Variants in DDX46 observed in about 807,000 individuals in gnomAD.
DDX46 encodes the protein probable ATP-dependent RNA helicase DDX46.
A neutral mutation model predicts 134.9 loss-of-function variants in DDX46; 30 were observed. The observed-to-expected ratio is 0.22, with a 90% confidence interval of 0.17 to 0.30. The LOEUF is 0.30. Among genes scored for constraint, DDX46 ranks in the 10% least tolerant of loss-of-function variants. The pLI, the probability that DDX46 is intolerant of heterozygous loss-of-function variation, is 1.00. For synonymous variants in DDX46, 415 were observed against 404.1 expected (o/e 1.03, Z -0.32); for missense variants, 622 against 1,248.7 (o/e 0.50, Z 7.56).
At position 134,780,950 on chromosome 5, in the gene DDX46, G is replaced by A. The variant is rs545589618; in HGVS notation, c.766-183G>A. The A allele has an allele frequency of 1.4e-4, 57 of 418,780 alleles. 1 individual carries two copies. In the Middle Eastern group the frequency reaches 1.9e-3, roughly 14 times the overall value. 25.9% of individuals were successfully genotyped at this position (418,780 alleles called of 1,614,324 possible). A position where few individuals can be genotyped will look rare whatever the true frequency, so the allele number is the denominator to read the frequency against. On this transcript the variant is annotated intron_variant, in intron 6 of 22. Coordinates refer to ENST00000452510, the MANE Select transcript of DDX46 (RefSeq NM_001300860.2). The stretch of plus-strand genomic sequence containing the variant: ...GAGGACTGATGGGACGAATCCTTGA[G>A]CCCAGAAATTTGAGGTTACAGTGAG...
At chr5:134,795,216 T>TTA (rs1754619056) in intron 14 of DDX46, among the ~76,000 whole-genome samples, 1 of 109,324 alleles carries the variant, frequency 9.1e-6, no homozygotes, top group East Asian at 4.7e-4. Context: ...TTTTTTTTTT[T>TTA]TTTGTTTTTT....
At chr5:134,786,618 G>A (rs550314548) in intron 11 of DDX46, among the ~76,000 whole-genome samples, 5 of 152,144 alleles carry the variant, frequency 3.3e-5, no homozygotes, top group Non-Finnish European at 5.9e-5. Context: ...GCCGAAGCGG[G>A]TGGATCATGA....
intron 3 of DDX46, among the ~76,000 whole-genome samples, chr5:134,767,816 G>A (rs1474824644): frequency 2.0e-5 from 3 of 151,750 alleles, no homozygotes; most frequent in African/African-American, 7.2e-5. Flanking sequence ...TGGGCGTGGT[G>A]GCGTATGCCT....
At chr5:134,763,613 G>A (rs546937084) in intron 1 of DDX46, among the ~76,000 whole-genome samples, 26 of 152,028 alleles carry the variant, frequency 1.7e-4, no homozygotes, top group African/African-American at 5.3e-4. Context: ...TTCTTCACTT[G>A]TCTGCCGTCT....
intron 11 of DDX46, among the ~76,000 whole-genome samples, chr5:134,786,939 T>C (rs925871057): frequency 6.6e-6 from 1 of 152,040 alleles, no homozygotes; most frequent in African/African-American, 2.4e-5. Context: ...TTTGTTTTAT[T>C]GGAGACAGCA....
chr5:134,813,475 C>A (rs557511975), intron 18 of DDX46, among the ~76,000 whole-genome samples: 3 of 152,308 alleles, frequency 2.0e-5, no homozygotes, highest in African/African-American at 7.2e-5. Flanking sequence ...TGCCTCAGTT[C>A]TTCACCTCTT....
Position 134,807,752 on chromosome 5 carries a change from T to G in DDX46, c.1959T>G (p.Ile653Met). The change falls in exon 16 of 23, where the codon ATT becomes ATG. Residue 653 changes from isoleucine to methionine, a missense_variant. Transcript: ENST00000452510. Reference sequence around the variant, plus strand: ...AGCTCTCTAATTTACTTGCAGGCATTGATCAATATGACAGAGATAGCATCA... The same window carrying G: ...AGCTCTCTAATTTACTTGCAGGCATGGATCAATATGACAGAGATAGCATCA... ...SYPCMSLHGG[I>M]DQYDRDSIIN... The G allele has an allele frequency of 6.2e-7, 1 of 1,608,676 alleles. No homozygotes were observed.
In DDX46 at chr5:134,829,566, T is replaced by C. The variant is rs1755680417; in HGVS notation, c.*860T>C. On this transcript the variant is annotated 3_prime_UTR_variant, in exon 23 of 23. Transcript: ENST00000452510. ...TTCTTCAGGATTATTGAGTAGGTTGTGAATTTTCTTTCTTAAAAATTGTAA... is the reference window on the plus strand; with the variant it reads ...TTCTTCAGGATTATTGAGTAGGTTGCGAATTTTCTTTCTTAAAAATTGTAA... The C allele has an allele frequency of 6.6e-6, 1 of 152,254 alleles. No individual in the cohort carries two copies. The highest frequency in any genetic ancestry group is 1.5e-5 in the Non-Finnish European group (1 of 68,044). The allele number at this position is 152,254 out of a possible 1,614,324, so 9.4% of individuals were successfully genotyped here.
chr5:134,809,269 A>G (rs1368645382), intron 16 of DDX46, among the ~76,000 whole-genome samples: 3 of 152,208 alleles, frequency 2.0e-5, no homozygotes, highest in Non-Finnish European at 2.9e-5. Context: ...GTTATTGTAT[A>G]TATGTTCATA....
intron 4 of DDX46, among the ~76,000 whole-genome samples, chr5:134,773,298 C>A (rs1753830782): frequency 6.6e-6 from 1 of 152,116 alleles, no homozygotes; most frequent in Non-Finnish European, 1.5e-5. Flanking sequence ...AATTGCTTTT[C>A]ATAGAGGCAA....
At chr5:134,805,171 G>T in intron 15 of DDX46, 1 of 169,578 alleles carries the variant, frequency 5.9e-6, no homozygotes, top group Admixed American at 6.0e-5. Flanking sequence ...AAGAAGAACT[G>T]TATTTTTTTT....
At chr5:134,783,127 C>G in intron 9 of DDX46, 62 bp downstream of exon 9, 4 of 1,561,454 alleles carry the variant, frequency 2.6e-6, no homozygotes, top group Non-Finnish European at 3.5e-6. Context: ...TCCTTCCACA[C>G]CAGTGTCTCC....
At chr5:134,824,583 A>G (rs1561876684) in intron 21 of DDX46, among the ~76,000 whole-genome samples, 1 of 152,210 alleles carries the variant, frequency 6.6e-6, no homozygotes, top group African/African-American at 2.4e-5. Context: ...CTGTCTCAAA[A>G]AAAAGAAAAG....
At chr5:134,769,146 C>T (rs1226414038) in intron 3 of DDX46, among the ~76,000 whole-genome samples, 1 of 152,074 alleles carries the variant, frequency 6.6e-6, no homozygotes, top group Non-Finnish European at 1.5e-5. Flanking sequence ...TATAAATTAT[C>T]TTGCAGAATA....
At chr5:134,789,281 T>G (rs1385295521) in intron 12 of DDX46, 1 of 152,242 alleles carries the variant, frequency 6.6e-6, no homozygotes, top group Non-Finnish European at 1.5e-5. Flanking sequence ...AATTTAATGC[T>G]GTTCCCGACC....
intron 16 of DDX46, among the ~76,000 whole-genome samples, chr5:134,810,679 A>C (rs1358253560): frequency 6.6e-6 from 1 of 151,712 alleles, no homozygotes; most frequent in Non-Finnish European, 1.5e-5. Context: ...TAAAGAAATT[A>C]GAAATTTTCT....
chr5:134,770,453 A>G (rs1301917265), intron 3 of DDX46, among the ~76,000 whole-genome samples: 1 of 151,920 alleles, frequency 6.6e-6, no homozygotes, highest in Non-Finnish European at 1.5e-5. Flanking sequence ...TTTTCAATTG[A>G]TCCTCCTGCC....
intron 4 of DDX46, among the ~76,000 whole-genome samples, chr5:134,771,474 T>C (rs1422888618): frequency 1.6e-4 from 22 of 141,542 alleles, no homozygotes; most frequent in African/African-American, 5.7e-4. Context: ...GGGTGGATCA[T>C]GAGGTCAGGA....
At chr5:134,765,994 A>G (rs182310457) in intron 2 of DDX46, among the ~76,000 whole-genome samples, 57 of 152,270 alleles carry the variant, frequency 3.7e-4, no homozygotes, top group African/African-American at 1.1e-3. Context: ...AAAGATGTCT[A>G]GTGAAGTCTC....
Sources: gnomAD v4.1 joint callset for allele counts (sites outside exome capture counted in the v4.1 genomes callset) on GRCh38, gnomAD v4.1.1 for gene constraint, MANE v1.5 for transcripts, NCBI Gene and HGNC (gene_info 2026-07-23, HGNC 2026-07-21) for gene names.